Variants in UST observed in about 807,000 individuals in gnomAD.
UST encodes uronyl 2-sulfotransferase, also known as chondroitin sulfate 2-O-sulfotransferase.
Under a neutral mutation model 45.6 loss-of-function variants are expected in UST, and 21 were observed. That is an observed-to-expected ratio of 0.46 (90% confidence interval 0.33 to 0.66). The LOEUF (loss-of-function observed/expected upper bound fraction) is 0.66, where lower values mean the gene tolerates loss of function less well. UST is among the 30% of genes least tolerant of loss of function. UST has a pLI of 0.02. For missense variants in UST, 463 were observed against 512.4 expected (o/e 0.90, Z 0.93); for synonymous variants, 215 against 200.6 (o/e 1.07, Z -0.61).
intron 7 of UST, among the ~76,000 whole-genome samples, chr6:149,031,693 CTAA>C (rs1302879205): frequency 6.6e-6 from 1 of 152,184 alleles, no homozygotes. Flanking sequence ...TCTCTGAAAA[CTAA>C]TATTTAAATA....
intron 7 of UST, among the ~76,000 whole-genome samples, chr6:149,070,046 C>T (rs1776796719): frequency 6.6e-6 from 1 of 152,152 alleles, no homozygotes; most frequent in Non-Finnish European, 1.5e-5. Context: ...TTGCTTATCC[C>T]CTTGGATCCT....
chr6:148,799,488 G>A (rs537370760), intron 1 of UST, among the ~76,000 whole-genome samples: 2 of 152,220 alleles, frequency 1.3e-5, no homozygotes, highest in South Asian at 4.2e-4. Flanking sequence ...GGTGGTTCCC[G>A]GCAACTGAGT....
rs148956443 is a variant in UST, at chr6:148,765,051, G to T, written c.247+17374G>T. The stretch of plus-strand genomic sequence containing the variant: ...TTATTAATATTCCTTACTGGGGAAA[G>T]AATTTAGCGGTATTTCTCTTACCCA... On this transcript the variant is annotated intron_variant, in intron 1 of 7. Transcript: ENST00000367463. Among the ~76,000 whole-genome samples the T allele has an allele frequency of 5.5e-3, 832 of 152,272 alleles. 9 individuals carry two copies. Among genetic ancestry groups the T allele is most frequent in the African/African-American group, 0.019 (797 of 41,550 alleles).
intron 1 of UST, among the ~76,000 whole-genome samples, chr6:148,789,453 TCACACACACACACACACACA>T (rs58763326): frequency 7.5e-6 from 1 of 134,224 alleles, no homozygotes; most frequent in Admixed American, 7.3e-5. Context: ...TCTCTCTCTC[TCACACACACACACACACACA>T]CACACACACA....
At chr6:148,968,965 T>C (rs1780860710) in intron 5 of UST, among the ~76,000 whole-genome samples, 1 of 152,246 alleles carries the variant, frequency 6.6e-6, no homozygotes, top group African/African-American at 2.4e-5. Flanking sequence ...AAAGAAAAGA[T>C]GTGTAATTTA....
intron 7 of UST, among the ~76,000 whole-genome samples, chr6:149,070,976 C>G (rs147926371): frequency 0.012 from 1,814 of 152,276 alleles, 28 homozygotes; most frequent in African/African-American, 0.042. Flanking sequence ...CCATGTTGGC[C>G]TGGATGGTCT....
At chr6:148,924,369 C>A (rs1779772266) in intron 2 of UST, among the ~76,000 whole-genome samples, 1 of 152,160 alleles carries the variant, frequency 6.6e-6, no homozygotes, top group Non-Finnish European at 1.5e-5. Context: ...TCTGACATAG[C>A]CCTTTTCACA....
At chr6:148,954,118 T>G (rs1236880938) in intron 4 of UST, among the ~76,000 whole-genome samples, 167 bp downstream of exon 4, 1 of 152,228 alleles carries the variant, frequency 6.6e-6, no homozygotes, top group Non-Finnish European at 1.5e-5. Flanking sequence ...GAACAGAAAC[T>G]TCATTTCTTC....
At chr6:148,984,371 A>G (rs1181969658) in intron 5 of UST, among the ~76,000 whole-genome samples, 1 of 152,222 alleles carries the variant, frequency 6.6e-6, no homozygotes, top group African/African-American at 2.4e-5. Context: ...AGAATCTCAT[A>G]TGGATGAGAA....
chr6:149,037,830 A>G (rs887678248), intron 7 of UST, among the ~76,000 whole-genome samples: 2 of 152,220 alleles, frequency 1.3e-5, no homozygotes, highest in African/African-American at 4.8e-5. Context: ...GGTAGGGAAA[A>G]CAATCCGAGG....
At chr6:148,965,180 A>C (rs1355453447) in intron 5 of UST, among the ~76,000 whole-genome samples, 1 of 152,194 alleles carries the variant, frequency 6.6e-6, no homozygotes, top group East Asian at 1.9e-4. Context: ...CAGCTCCATA[A>C]GGGATGTTAG....
chr6:148,913,971 G>A (rs190501096), intron 2 of UST, among the ~76,000 whole-genome samples: 344 of 152,288 alleles, frequency 2.3e-3, no homozygotes, highest in African/African-American at 7.8e-3. Flanking sequence ...AATCCCCAGT[G>A]TGATAGCAGT....
At chr6:148,819,592 A>G (rs1209682712) in intron 1 of UST, among the ~76,000 whole-genome samples, 1 of 152,184 alleles carries the variant, frequency 6.6e-6, no homozygotes, top group East Asian at 1.9e-4. Context: ...ATAATTACGT[A>G]TTTTATGCTC....
chr6:148,756,915 A>T (rs150210374), intron 1 of UST, among the ~76,000 whole-genome samples: 2 of 152,220 alleles, frequency 1.3e-5, no homozygotes, highest in Non-Finnish European at 2.9e-5. Context: ...GCCAAGAAGG[A>T]CTCTAGCTCA....
intron 2 of UST, among the ~76,000 whole-genome samples, chr6:148,916,156 G>A (rs980098965): frequency 3.9e-5 from 6 of 152,148 alleles, no homozygotes; most frequent in Non-Finnish European, 5.9e-5. Flanking sequence ...TACTTACTGC[G>A]TGCCACACAC....
chr6:148,876,725 A>G (rs1009193136), intron 1 of UST, among the ~76,000 whole-genome samples: 2 of 151,990 alleles, frequency 1.3e-5, no homozygotes, highest in Non-Finnish European at 2.9e-5. Context: ...TTCTCTTGTC[A>G]GCAATTCTAC....
intron 1 of UST, among the ~76,000 whole-genome samples, chr6:148,770,524 G>A (rs1443032527): frequency 6.6e-6 from 1 of 152,008 alleles, no homozygotes. Flanking sequence ...TATGCAATGA[G>A]AAGCCACCGA....
chr6:149,027,388 A>G (rs1483662008), intron 7 of UST, among the ~76,000 whole-genome samples: 1 of 152,236 alleles, frequency 6.6e-6, no homozygotes, highest in Non-Finnish European at 1.5e-5. Flanking sequence ...TTTGTCTGCC[A>G]TGGGTCTGCC....
intron 1 of UST, among the ~76,000 whole-genome samples, chr6:148,827,407 G>A (rs922082869): frequency 3.9e-5 from 6 of 152,090 alleles, no homozygotes; most frequent in African/African-American, 1.4e-4. Flanking sequence ...CTCACTTGAG[G>A]TCAGGACTTT....
Sources: gnomAD v4.1 joint callset for allele counts (sites outside exome capture counted in the v4.1 genomes callset) on GRCh38, gnomAD v4.1.1 for gene constraint, MANE v1.5 for transcripts, NCBI Gene and HGNC (gene_info 2026-07-23, HGNC 2026-07-21) for gene names.